Variants in DNER observed in about 807,000 individuals in gnomAD.
The protein encoded by DNER is delta/notch like EGF repeat containing, also known as delta and Notch-like epidermal growth factor-related receptor.
Under a neutral mutation model 78.2 loss-of-function variants are expected in DNER, and 33 were observed. The observed-to-expected ratio is 0.42, with a 90% CI of 0.32 to 0.56. The LOEUF is 0.56. DNER is among the 20% of genes least tolerant of loss of function. The pLI, the probability that DNER is intolerant of heterozygous loss-of-function variation, is 0.11. For synonymous variants in DNER, 417 were observed against 384.8 expected, an observed-to-expected ratio of 1.08 and a Z score of -0.98; for missense variants, 918 against 975.3, an observed-to-expected ratio of 0.94 and a Z score of 0.78.
chr2:229,483,596 T>TG (rs1695211088), intron 6 of DNER, among the ~76,000 whole-genome samples: 1 of 152,170 alleles, frequency 6.6e-6, no homozygotes, highest in Non-Finnish European at 1.5e-5. Flanking sequence ...ATCATTATAG[T>TG]GTTTAAGTTT....
intron 6 of DNER, among the ~76,000 whole-genome samples, chr2:229,504,351 C>G (rs759634917): frequency 1.3e-5 from 2 of 152,136 alleles, no homozygotes; most frequent in Non-Finnish European, 2.9e-5. Flanking sequence ...TCCCAAGTAA[C>G]TAAGATTACA....
intron 1 of DNER, among the ~76,000 whole-genome samples, chr2:229,646,009 C>T (rs536484275): frequency 3.3e-5 from 5 of 152,294 alleles, no homozygotes; most frequent in African/African-American, 7.2e-5. Flanking sequence ...GCCACTTTGC[C>T]GGGAGACCAA....
chr2:229,517,652 G>A (rs376141329), intron 5 of DNER, among the ~76,000 whole-genome samples: 7 of 152,208 alleles, frequency 4.6e-5, no homozygotes, highest in South Asian at 4.1e-4. Flanking sequence ...TGGGCGTGCC[G>A]TCAAATCCCG....
At chr2:229,452,044 C>T (rs1694468447) in intron 7 of DNER, among the ~76,000 whole-genome samples, 1 of 152,070 alleles carries the variant, frequency 6.6e-6, no homozygotes, top group Admixed American at 6.5e-5. Flanking sequence ...ATAATGAGAG[C>T]ACTGGTCAGG....
chr2:229,530,871 G>A (rs1358768202), intron 5 of DNER, among the ~76,000 whole-genome samples: 1 of 152,190 alleles, frequency 6.6e-6, no homozygotes, highest in Non-Finnish European at 1.5e-5. Flanking sequence ...TAACAGATAT[G>A]TGGGTGTAGG....
chr2:229,676,582 G>A (rs1699304513), intron 1 of DNER, among the ~76,000 whole-genome samples: 3 of 152,108 alleles, frequency 2.0e-5, no homozygotes, highest in African/African-American at 7.2e-5. Flanking sequence ...GTTCTTGCAG[G>A]TCTTCCCATC....
chr2:229,431,498 T>G (rs892869641), intron 8 of DNER, among the ~76,000 whole-genome samples: 1 of 152,036 alleles, frequency 6.6e-6, no homozygotes, highest in Non-Finnish European at 1.5e-5. Flanking sequence ...TCACAATGTT[T>G]TAGCTATGTC....
chr2:229,656,244 C>A (rs540924107), intron 1 of DNER, among the ~76,000 whole-genome samples: 9 of 152,130 alleles, frequency 5.9e-5, no homozygotes, highest in Non-Finnish European at 1.0e-4. Context: ...ATCCACATGG[C>A]CAGAAGCAGA....
chr2:229,489,834 G>C lies in DNER; in HGVS notation c.1148-12581C>G, dbSNP rs741561. ...CTTCAGCAGGATAAGGATGAGGAAG[G>C]AGCCCTCGAAATCAGTGAGAAGGGC... is the stretch of plus-strand genomic sequence containing the variant. On this transcript the variant is annotated intron_variant, in intron 6 of 12. Coordinates refer to ENST00000341772, the MANE Select transcript of DNER (RefSeq NM_139072.4). Among the ~76,000 whole-genome samples, 41 of 151,958 alleles carry C rather than the reference G, an allele frequency of 2.7e-4. No individual in the cohort carries two copies. The East Asian group carries it at 7.8e-3, about 29-fold the overall frequency.
intron 4 of DNER, among the ~76,000 whole-genome samples, chr2:229,584,083 A>T (rs1048573523): frequency 5.9e-5 from 9 of 152,212 alleles, no homozygotes; most frequent in Non-Finnish European, 4.4e-5. Flanking sequence ...TCATTATGAT[A>T]TTTGCATCAT....
intron 11 of DNER, among the ~76,000 whole-genome samples, chr2:229,387,146 A>G (rs958601973): frequency 2.6e-5 from 4 of 152,178 alleles, no homozygotes; most frequent in Non-Finnish European, 4.4e-5. Context: ...CTATGCAGCC[A>G]TAAAAAAGGA....
At chr2:229,690,335 C>A (rs1407435944) in intron 1 of DNER, among the ~76,000 whole-genome samples, 7 of 152,190 alleles carry the variant, frequency 4.6e-5, no homozygotes, top group Non-Finnish European at 5.9e-5. Context: ...CAGGGATCAA[C>A]TTTAGAGTCT....
chr2:229,708,398 G>C (rs1445968442), intron 1 of DNER, among the ~76,000 whole-genome samples: 1 of 152,192 alleles, frequency 6.6e-6, no homozygotes. Context: ...CAAGCTGCCA[G>C]GTCAGTCTAA....
At chr2:229,416,546 T>G (rs1310702529) in intron 9 of DNER, among the ~76,000 whole-genome samples, 1 of 152,196 alleles carries the variant, frequency 6.6e-6, no homozygotes, top group African/African-American at 2.4e-5. Flanking sequence ...CTCAGCCTAC[T>G]GTGCAATTTC....
chr2:229,387,503 GAA>G (rs59255840), intron 11 of DNER, among the ~76,000 whole-genome samples: 10,760 of 102,508 alleles, frequency 0.1, 575 homozygotes, highest in East Asian at 0.32. Context: ...AAGAAAGAAA[GAA>G]AGAGAGAAAG....
chr2:229,522,124 A>T (rs13415335), intron 5 of DNER, among the ~76,000 whole-genome samples: 7,128 of 152,276 alleles, frequency 0.047, 528 homozygotes, highest in African/African-American at 0.16. Context: ...AGCTTAAATG[A>T]TAAATTTTAA....
intron 7 of DNER, among the ~76,000 whole-genome samples, chr2:229,465,970 T>C (rs765853928): frequency 1.3e-5 from 2 of 152,100 alleles, no homozygotes; most frequent in African/African-American, 2.4e-5. Flanking sequence ...GCCAAATCTG[T>C]CCACTTCTCT....
chr2:229,532,981 G>A (rs774008651), intron 5 of DNER, among the ~76,000 whole-genome samples: 11 of 152,164 alleles, frequency 7.2e-5, no homozygotes, highest in South Asian at 2.1e-4. Flanking sequence ...GGATCGAGGA[G>A]CAGACAAAGA....
chr2:229,380,391 A>G (rs536962065), intron 11 of DNER, among the ~76,000 whole-genome samples: 1 of 152,250 alleles, frequency 6.6e-6, no homozygotes, highest in South Asian at 2.1e-4. Context: ...ATCCTTCCAA[A>G]TTCACACAGA....
Sources: allele counts gnomAD v4.1 joint callset (sites outside exome capture counted in the v4.1 genomes callset), GRCh38; gene constraint gnomAD v4.1.1; transcripts MANE v1.5; gene names NCBI Gene and HGNC (gene_info 2026-07-23, HGNC 2026-07-21).